Variants in ATAD2B observed in about 807,000 individuals in gnomAD.
ATAD2B encodes ATPase family AAA domain-containing protein 2B.
A neutral mutation model predicts 167.6 loss-of-function variants in ATAD2B; 40 were observed. That is an observed-to-expected ratio of 0.24 (90% CI 0.19 to 0.31). The LOEUF is 0.31. Among genes scored for constraint, ATAD2B ranks in the 10% least tolerant of loss-of-function variants. The pLI is 1.00. For missense variants in ATAD2B, 1,242 were observed against 1,757.2 expected (o/e 0.71, Z 5.24); for synonymous variants, 579 against 596.5 (o/e 0.97, Z 0.43).
the ATAD2B span, among the ~76,000 whole-genome samples, chr2:23,740,319 C>T: frequency 0.02 from 3,002 of 151,436 alleles, 90 homozygotes; most frequent in African/African-American, 0.067. Context: ...ACTGGCAAAC[C>T]GAATCCAGCA....
chr2:23,815,870 T>C (rs923545116), intron 17 of ATAD2B, among the ~76,000 whole-genome samples: 1 of 152,196 alleles, frequency 6.6e-6, no homozygotes, highest in African/African-American at 2.4e-5. Flanking sequence ...ATAGTACTTA[T>C]CTTCTAACAG....
chr2:23,740,231 TGACA>T, the ATAD2B span, among the ~76,000 whole-genome samples: 1 of 152,176 alleles, frequency 6.6e-6, no homozygotes, highest in Non-Finnish European at 1.5e-5. Context: ...TACCAAAGCC[TGACA>T]GAGACACAAC....
At chr2:23,721,319 T>G in the ATAD2B span, among the ~76,000 whole-genome samples, 7 of 152,200 alleles carry the variant, frequency 4.6e-5, no homozygotes, top group African/African-American at 1.7e-4. Context: ...GCTCCACGGA[T>G]TGCCCCTGGC....
chr2:23,843,991 T>G (rs757891757), intron 13 of ATAD2B, among the ~76,000 whole-genome samples: 9 of 152,142 alleles, frequency 5.9e-5, no homozygotes, highest in Admixed American at 1.3e-4. Flanking sequence ...CAGGCTGGAG[T>G]GCAGTGGCGT....
Position 23,896,273 on chromosome 2 carries a change from C to T in ATAD2B, c.217-303G>A, listed in dbSNP as rs574258956. Among the ~76,000 whole-genome samples, 15 of 150,950 alleles carry T rather than the reference C, an allele frequency of 9.9e-5. 1 individual carries two copies. The highest frequency in any genetic ancestry group is 2.1e-4 in the Non-Finnish European group (14 of 67,840). On this transcript the variant is annotated intron_variant, in intron 1 of 27. Coordinates refer to ENST00000238789, the MANE Select transcript of ATAD2B (RefSeq NM_017552.4). The stretch of plus-strand genomic sequence containing the variant: ...CCAGGAGGCGGAGGCTGCCGTGAGC[C>T]GAGATCATGCCAGTGCACTCCAGCC...
At chr2:23,713,850 T>A in the ATAD2B span, among the ~76,000 whole-genome samples, 1 of 152,214 alleles carries the variant, frequency 6.6e-6, no homozygotes. Flanking sequence ...TATTGAACAT[T>A]TGGGTTATTT....
chr2:23,699,155 C>T, the ATAD2B span, among the ~76,000 whole-genome samples: 9 of 152,256 alleles, frequency 5.9e-5, no homozygotes, highest in African/African-American at 2.2e-4. Context: ...ACATCACCCT[C>T]GCTCAGAGGC....
At chr2:23,916,871 A>G (rs566109456) in intron 1 of ATAD2B, among the ~76,000 whole-genome samples, 18 of 152,314 alleles carry the variant, frequency 1.2e-4, no homozygotes, top group African/African-American at 4.1e-4. Flanking sequence ...ATGAAAGGGC[A>G]CTAGACCTGA....
At chr2:23,909,332 C>G (rs1312101367) in intron 1 of ATAD2B, among the ~76,000 whole-genome samples, 1 of 151,756 alleles carries the variant, frequency 6.6e-6, no homozygotes, top group Non-Finnish European at 1.5e-5. Flanking sequence ...TCACTTGAGT[C>G]TAGGAGGTCA....
Position 23,867,842 on chromosome 2 carries a change from T to A in ATAD2B, c.1181A>T (p.Asp394Val). The A allele has an allele frequency of 3.1e-6, 5 of 1,598,102 alleles. No homozygotes were observed. The highest frequency in any genetic ancestry group is 4.3e-6 in the Non-Finnish European group (5 of 1,171,828). The change falls in exon 10 of 28, where the codon GAT becomes GTT. Residue 394 changes from aspartate (D) to valine (V), a missense_variant. By Grantham distance (152) the Asp-to-Val change is radical. Transcript: ENST00000238789. The stretch of plus-strand genomic sequence containing the variant: ...AACATTTACAAAACTTACTGATTTA[T>A]CAATGTTCATTGGATCAACATCAGC... ...SLADVDPMNI[D>V]KSVRFDSIGG...
At chr2:23,717,015 G>C in the ATAD2B span, among the ~76,000 whole-genome samples, 1 of 152,224 alleles carries the variant, frequency 6.6e-6, no homozygotes, top group Admixed American at 6.5e-5. Flanking sequence ...GATGGAGGCA[G>C]TGGCCACACA....
chr2:23,791,056 G>C (rs538534326), intron 19 of ATAD2B, among the ~76,000 whole-genome samples: 1 of 152,132 alleles, frequency 6.6e-6, no homozygotes, highest in Non-Finnish European at 1.5e-5. Context: ...TCATACAACT[G>C]ACAGTCTTTT....
intron 6 of ATAD2B, chr2:23,883,538 C>T (rs1448284940): frequency 9.5e-7 from 1 of 1,051,626 alleles, no homozygotes; most frequent in Admixed American, 2.9e-5. Context: ...TTTGGAAACT[C>T]TACAAAGATG....
intron 8 of ATAD2B, chr2:23,872,473 T>A: frequency 1.3e-6 from 1 of 742,278 alleles, no homozygotes; most frequent in East Asian, 2.5e-5. Flanking sequence ...CAGCACCCAT[T>A]TCCCCTCTTT....
intron 2 of ATAD2B, among the ~76,000 whole-genome samples, chr2:23,894,713 T>C (rs1297119961): frequency 2.0e-5 from 3 of 152,184 alleles, no homozygotes; most frequent in African/African-American, 7.2e-5. Context: ...TAAAAGTTAA[T>C]GTAATTACAT....
chr2:23,757,314 G>A (rs1162016520), intron 25 of ATAD2B, 104 bp downstream of exon 25: 2 of 841,714 alleles, frequency 2.4e-6, no homozygotes, highest in African/African-American at 1.8e-5. Flanking sequence ...TCTCAGAGGG[G>A]TATAATTATT....
intron 7 of ATAD2B, among the ~76,000 whole-genome samples, chr2:23,878,612 T>C (rs2150185753): frequency 6.6e-6 from 1 of 151,486 alleles, no homozygotes; most frequent in South Asian, 2.1e-4. Context: ...TAAGCCGAGA[T>C]CATGCCACTG....
the ATAD2B span, among the ~76,000 whole-genome samples, chr2:23,704,101 T>C: frequency 2.0e-5 from 3 of 152,136 alleles, no homozygotes; most frequent in Non-Finnish European, 2.9e-5. Flanking sequence ...CCAGCAGAAA[T>C]GAACCATTTC....
At chr2:23,924,744 G>C (rs1256630753) in intron 1 of ATAD2B, among the ~76,000 whole-genome samples, 1 of 152,128 alleles carries the variant, frequency 6.6e-6, no homozygotes, top group African/African-American at 2.4e-5. Flanking sequence ...AGTTTCATTA[G>C]TACCCTTCTA....
Sources: allele counts gnomAD v4.1 joint callset (sites outside exome capture counted in the v4.1 genomes callset), GRCh38; gene constraint gnomAD v4.1.1; transcripts MANE v1.5; gene names NCBI Gene and HGNC (gene_info 2026-07-23, HGNC 2026-07-21).